Variants in MYO3B observed in about 807,000 individuals in gnomAD.
The protein encoded by MYO3B is myosin IIIB, also known as myosin-IIIb.
Under a neutral mutation model 174.6 loss-of-function variants are expected in MYO3B, and 156 were observed. The observed-to-expected ratio is 0.89, with a 90% CI of 0.78 to 1.02. The LOEUF (loss-of-function observed/expected upper bound fraction) is 1.02, where lower values mean the gene tolerates loss of function less well. MYO3B is among the 50% of genes least tolerant of loss of function. MYO3B has a pLI of 0.00. For synonymous variants in MYO3B, 563 were observed against 569.1 expected, an observed-to-expected ratio of 0.99 and a Z score of 0.15; for missense variants, 1,632 against 1,639.4, an observed-to-expected ratio of 1.00 and a Z score of 0.08.
At chr2:170,225,998 C>G (rs2092948184) in intron 6 of MYO3B, among the ~76,000 whole-genome samples, 1 of 152,146 alleles carries the variant, frequency 6.6e-6, no homozygotes. Context: ...GTCTATTTTA[C>G]AGGGAACATT....
In MYO3B at chr2:170,468,906, A is replaced by T. The variant is rs572061251; in HGVS notation, c.3014+2195A>T. 7.9e-5 allele frequency among the ~76,000 whole-genome samples: 12 copies of T among 152,244 alleles called. No individual in the cohort carries two copies. In the South Asian group the frequency reaches 2.5e-3, roughly 32 times the overall value. On this transcript the variant is annotated intron_variant, in intron 25 of 34. Coordinates refer to ENST00000408978, the MANE Select transcript of MYO3B (RefSeq NM_138995.5). ...CTGGGCGTGATGGCTCACACCTGTA[A>T]TCCTAGCACTTTGGGAGGCAGGCAC...
At chr2:170,652,303 C>T in intron 34 of MYO3B, 149 bp downstream of exon 34, 3 of 694,960 alleles carry the variant, frequency 4.3e-6, no homozygotes, top group Non-Finnish European at 7.2e-6. Context: ...TTACTTTTCA[C>T]AGTAGCAAGT....
At chr2:170,282,495 A>G (rs1302673728) in intron 7 of MYO3B, among the ~76,000 whole-genome samples, 3 of 152,012 alleles carry the variant, frequency 2.0e-5, no homozygotes, top group Non-Finnish European at 4.4e-5. Context: ...CGATGCTCTC[A>G]TTGTTACTAT....
At chr2:170,443,339 G>A (rs2094816268) in intron 22 of MYO3B, among the ~76,000 whole-genome samples, 1 of 152,180 alleles carries the variant, frequency 6.6e-6, no homozygotes, top group East Asian at 1.9e-4. Flanking sequence ...TTTTGATGGG[G>A]TTGTTTGATT....
chr2:170,416,199 T>G (rs1319720441), intron 22 of MYO3B, among the ~76,000 whole-genome samples: 2 of 152,140 alleles, frequency 1.3e-5, no homozygotes, highest in African/African-American at 4.8e-5. Context: ...CTTCTCCACC[T>G]GCCTCATACA....
intron 29 of MYO3B, among the ~76,000 whole-genome samples, chr2:170,518,013 GTAA>G (rs900354596): frequency 1.3e-5 from 2 of 148,870 alleles, no homozygotes; most frequent in Non-Finnish European, 3.0e-5. Context: ...GTGTGTGTGT[GTAA>G]TAATAAAAAT....
intron 7 of MYO3B, among the ~76,000 whole-genome samples, chr2:170,276,246 C>T (rs1399823776): frequency 2.0e-5 from 3 of 152,062 alleles, no homozygotes; most frequent in Non-Finnish European, 2.9e-5. Flanking sequence ...TAGTATAGCC[C>T]GTTGAAATGG....
intron 22 of MYO3B, among the ~76,000 whole-genome samples, chr2:170,442,431 C>A (rs2094807443): frequency 6.7e-6 from 1 of 149,632 alleles, no homozygotes; most frequent in Non-Finnish European, 1.5e-5. Flanking sequence ...AGTGAAGTTT[C>A]TGTTCAAATA....
chr2:170,265,817 A>G (rs1296767515), intron 7 of MYO3B, among the ~76,000 whole-genome samples: 3 of 152,146 alleles, frequency 2.0e-5, no homozygotes, highest in Non-Finnish European at 4.4e-5. Flanking sequence ...AGTATTTAAA[A>G]CCATTTACAA....
intron 23 of MYO3B, among the ~76,000 whole-genome samples, chr2:170,449,654 G>T (rs538882254): frequency 2.6e-4 from 40 of 152,126 alleles, no homozygotes; most frequent in Middle Eastern, 3.4e-3. Flanking sequence ...GTACATGCCT[G>T]TAATCCTAGC....
At chr2:170,183,118 G>A (rs1210614245) in intron 1 of MYO3B, among the ~76,000 whole-genome samples, 1 of 151,954 alleles carries the variant, frequency 6.6e-6, no homozygotes, top group Admixed American at 6.6e-5. Context: ...TTAGCTGGGC[G>A]TGGTGGCATG....
At chr2:170,468,141 A>G (rs983927007) in intron 25 of MYO3B, among the ~76,000 whole-genome samples, 3 of 152,238 alleles carry the variant, frequency 2.0e-5, no homozygotes, top group African/African-American at 4.8e-5. Flanking sequence ...TGAGCCAGCA[A>G]GTTAATTGGT....
intron 7 of MYO3B, among the ~76,000 whole-genome samples, chr2:170,268,257 A>G (rs1271293963): frequency 1.3e-5 from 2 of 152,166 alleles, no homozygotes; most frequent in East Asian, 1.9e-4. Context: ...GAAAAGGGCA[A>G]ACTCCACTAA....
At chr2:170,637,140 T>C (rs1335710583) in intron 32 of MYO3B, among the ~76,000 whole-genome samples, 1 of 151,546 alleles carries the variant, frequency 6.6e-6, no homozygotes, top group African/African-American at 2.4e-5. Context: ...CTTATAGCTA[T>C]ACTGATCAGG....
intron 22 of MYO3B, among the ~76,000 whole-genome samples, chr2:170,410,947 C>CCTCA (rs1156653278): frequency 6.6e-6 from 1 of 151,994 alleles, no homozygotes; most frequent in Non-Finnish European, 1.5e-5. Context: ...ACTCAGGAGG[C>CCTCA]TGAGGCAGGA....
At chr2:170,431,842 G>GT (rs550558557) in intron 22 of MYO3B, among the ~76,000 whole-genome samples, 28 of 152,294 alleles carry the variant, frequency 1.8e-4, no homozygotes, top group African/African-American at 6.7e-4. Flanking sequence ...TCTATATACA[G>GT]TTATGCATCA....
intron 22 of MYO3B, among the ~76,000 whole-genome samples, chr2:170,411,357 A>T (rs946806972): frequency 6.6e-6 from 1 of 152,256 alleles, no homozygotes; most frequent in Non-Finnish European, 1.5e-5. Context: ...ATAATCTACT[A>T]TACATCTAGG....
chr2:170,440,008 C>T (rs546266981), intron 22 of MYO3B, among the ~76,000 whole-genome samples: 13 of 152,274 alleles, frequency 8.5e-5, no homozygotes, highest in African/African-American at 2.6e-4. Context: ...TTTTAATCTT[C>T]AAGCCATTTT....
At position 170,399,422 on chromosome 2, in the gene MYO3B, C is replaced by T. The variant is rs375997475; in HGVS notation, c.1792-766C>T. ...CCGGGAGGCAGAGGTTGCAGTGAGCCGAGATTGTGCCACTGTACTCCAGCC... is the reference window on the plus strand; with the variant it reads ...CCGGGAGGCAGAGGTTGCAGTGAGCTGAGATTGTGCCACTGTACTCCAGCC... On this transcript the variant is annotated intron_variant, in intron 16 of 34. Coordinates refer to ENST00000408978, the MANE Select transcript of MYO3B (RefSeq NM_138995.5). Among the ~76,000 whole-genome samples, 117 of 149,538 alleles carry T rather than the reference C, an allele frequency of 7.8e-4. No individual in the cohort carries two copies. The South Asian group carries it at 0.023, about 30-fold the overall frequency.
Sources: allele counts gnomAD v4.1 joint callset (sites outside exome capture counted in the v4.1 genomes callset), GRCh38; gene constraint gnomAD v4.1.1; transcripts MANE v1.5; gene names NCBI Gene and HGNC (gene_info 2026-07-23, HGNC 2026-07-21).